Variants in TPRG1 observed in about 807,000 individuals in gnomAD.
TPRG1 encodes tumor protein p63 regulated 1.
TPRG1 carries 29 observed loss-of-function variants against 29.3 expected under a neutral mutation model. That is an observed-to-expected ratio of 0.99 (90% CI 0.74 to 1.35). The LOEUF (loss-of-function observed/expected upper bound fraction) is 1.35. TPRG1 is among the 40% of genes most tolerant of loss of function. The pLI is 0.00. For missense variants in TPRG1, 327 were observed against 335.0 expected (o/e 0.98, Z 0.19); for synonymous variants, 130 against 116.8 (o/e 1.11, Z -0.73).
At chr3:189,270,975 G>A (rs1715027083) in intron 4 of TPRG1, among the ~76,000 whole-genome samples, 1 of 152,082 alleles carries the variant, frequency 6.6e-6, no homozygotes, top group African/African-American at 2.4e-5. Flanking sequence ...TAGCATCCTG[G>A]AATCTGCAAG....
At chr3:189,092,071 C>T (rs1196070702) in intron 4 of TPRG1, among the ~76,000 whole-genome samples, 1 of 152,130 alleles carries the variant, frequency 6.6e-6, no homozygotes, top group African/African-American at 2.4e-5. Flanking sequence ...TCAGATTTAG[C>T]ACTAAAGAAG....
intron 4 of TPRG1, among the ~76,000 whole-genome samples, chr3:189,249,396 T>G (rs565839306): frequency 1.2e-3 from 188 of 152,068 alleles, no homozygotes; most frequent in Non-Finnish European, 2.2e-3. Context: ...TCTTTTTCTT[T>G]GAACTTTCTT....
chr3:189,266,429 T>C (rs1279627552), intron 4 of TPRG1, among the ~76,000 whole-genome samples: 2 of 152,138 alleles, frequency 1.3e-5, no homozygotes, highest in African/African-American at 4.8e-5. Flanking sequence ...AAAGGAGTGT[T>C]CATCATTCAC....
At chr3:189,003,633 C>G (rs1712139490) in intron 2 of TPRG1, among the ~76,000 whole-genome samples, 1 of 152,026 alleles carries the variant, frequency 6.6e-6, no homozygotes, top group South Asian at 2.1e-4. Flanking sequence ...AATGTACTCT[C>G]CTGATTCATC....
chr3:189,301,889 T>A (rs1319479826), intron 4 of TPRG1, among the ~76,000 whole-genome samples: 1 of 152,252 alleles, frequency 6.6e-6, no homozygotes, highest in African/African-American at 2.4e-5. Flanking sequence ...TAGACTGCTC[T>A]GGACCATGCA....
intron 3 of TPRG1, among the ~76,000 whole-genome samples, chr3:189,009,935 G>C (rs563882116): frequency 7.9e-5 from 12 of 151,816 alleles, no homozygotes; most frequent in African/African-American, 2.9e-4. Flanking sequence ...TATTTTTCCT[G>C]ATCCTTTCCC....
intron 5 of TPRG1, among the ~76,000 whole-genome samples, chr3:189,311,684 G>A (rs1052489763): frequency 3.3e-5 from 5 of 152,004 alleles, no homozygotes; most frequent in Admixed American, 6.6e-5. Flanking sequence ...ATAGTGTCAC[G>A]GTGTCCCTCA....
chr3:189,080,090 C>A (rs1261192629), intron 4 of TPRG1, among the ~76,000 whole-genome samples: 2 of 152,070 alleles, frequency 1.3e-5, no homozygotes, highest in East Asian at 3.9e-4. Context: ...TAATGAAGGG[C>A]TACATTATAT....
chr3:189,165,010 G>A (rs537959353), intron 5 of TPRG1, among the ~76,000 whole-genome samples: 37 of 152,232 alleles, frequency 2.4e-4, no homozygotes, highest in African/African-American at 8.9e-4. Context: ...GTACAATGTA[G>A]CTAGCTCCAG....
At chr3:189,095,119 T>C (rs143282496) in intron 4 of TPRG1, among the ~76,000 whole-genome samples, 215 of 152,290 alleles carry the variant, frequency 1.4e-3, no homozygotes, top group African/African-American at 5.1e-3. Context: ...TGTGTGAAGG[T>C]GAAACAAAGA....
chr3:189,218,076 T>A (rs1736341309), intron 3 of TPRG1: 9 of 975,044 alleles, frequency 9.2e-6, no homozygotes, highest in Non-Finnish European at 1.1e-5. Flanking sequence ...GGAGCTGTAA[T>A]ATGGACCAAC....
chr3:189,275,780 A>T (rs1436073205), intron 4 of TPRG1, among the ~76,000 whole-genome samples: 4 of 152,150 alleles, frequency 2.6e-5, no homozygotes, highest in Non-Finnish European at 5.9e-5. Context: ...ATTTTAAATG[A>T]GGAAGGGCAT....
chr3:189,163,203 G>C (rs1727711787), intron 5 of TPRG1, among the ~76,000 whole-genome samples: 1 of 152,162 alleles, frequency 6.6e-6, no homozygotes, highest in South Asian at 2.1e-4. Context: ...AACCCAGGAG[G>C]TGGAGGGTGC....
intron 4 of TPRG1, among the ~76,000 whole-genome samples, chr3:189,024,938 T>C (rs1235296305): frequency 6.6e-6 from 1 of 152,224 alleles, no homozygotes. Flanking sequence ...AGACAGGCAT[T>C]ACGCTGCTGC....
Position 189,243,452 on chromosome 3 carries a change from G to A in TPRG1, c.479+4543G>A, listed in dbSNP as rs961106468. On this transcript the variant is annotated intron_variant, in intron 4 of 5. Transcript: ENST00000345063. ...AAGGAGGTCTCTAAAATGCCTGTGA[G>A]TTGTTTTCCCTATTGTCCTGGCTAT... 2.0e-5 allele frequency among the ~76,000 whole-genome samples: 3 copies of A among 152,166 alleles called. No homozygotes were observed. The East Asian group carries it at 5.8e-4, about 29-fold the overall frequency.
chr3:189,282,209 C>A (rs1717260895), intron 4 of TPRG1, among the ~76,000 whole-genome samples: 2 of 43,796 alleles, frequency 4.6e-5, no homozygotes, highest in African/African-American at 1.9e-4. Flanking sequence ...GCATAATAGT[C>A]CTTTCCAAAA....
At chr3:189,118,003 G>A (rs1377440800) in intron 1 of TPRG1, among the ~76,000 whole-genome samples, 1 of 152,182 alleles carries the variant, frequency 6.6e-6, no homozygotes, top group Non-Finnish European at 1.5e-5. Context: ...CAGTTTGGAG[G>A]GCTCAGAAGA....
At chr3:189,162,980 A>G (rs6444359) in intron 5 of TPRG1, among the ~76,000 whole-genome samples, 71,670 of 152,128 alleles carry the variant, frequency 0.47, 17,664 homozygotes, top group African/African-American at 0.61. Context: ...GATTTAACAT[A>G]GAGTTCTTAG....
chr3:189,283,579 A>G (rs1355882526), intron 4 of TPRG1, among the ~76,000 whole-genome samples: 1 of 152,202 alleles, frequency 6.6e-6, no homozygotes, highest in Admixed American at 6.5e-5. Flanking sequence ...ACATTTATAG[A>G]GGTTCTCTTA....
Sources: gnomAD v4.1 joint callset for allele counts (sites outside exome capture counted in the v4.1 genomes callset) on GRCh38, gnomAD v4.1.1 for gene constraint, MANE v1.5 for transcripts, NCBI Gene and HGNC (gene_info 2026-07-23, HGNC 2026-07-21) for gene names.